TBC1D5: variants seen among roughly 807,000 people sequenced by gnomAD.
TBC1D5 encodes the protein TBC1 domain family member 5, also known as TBC1 domain family, member 5.
In TBC1D5, 75 loss-of-function variants were observed where a neutral mutation model predicts 100.3. The observed-to-expected ratio is 0.75, with a 90% CI of 0.62 to 0.91. The LOEUF (loss-of-function observed/expected upper bound fraction) is 0.91. Among genes scored for constraint, TBC1D5 ranks in the 40% least tolerant of loss-of-function variants. The pLI, the probability that TBC1D5 is intolerant of heterozygous loss-of-function variation, is 0.00. For synonymous variants in TBC1D5, 323 were observed against 325.6 expected (o/e 0.99, Z 0.09); for missense variants, 910 against 942.4 (o/e 0.97, Z 0.45).
At chr3:17,487,491 A>G (rs1456222963) in intron 3 of TBC1D5, among the ~76,000 whole-genome samples, 6 of 152,214 alleles carry the variant, frequency 3.9e-5, no homozygotes, top group Non-Finnish European at 8.8e-5. Context: ...TAGATGTTAG[A>G]AGGTCATGGG....
chr3:17,516,350 G>C (rs894165284), intron 2 of TBC1D5, among the ~76,000 whole-genome samples: 4 of 151,724 alleles, frequency 2.6e-5, no homozygotes, highest in Non-Finnish European at 4.4e-5. Context: ...ATAATCTGTG[G>C]CCAAAAGATT....
chr3:17,407,671 C>T (rs2093809335), intron 4 of TBC1D5, among the ~76,000 whole-genome samples: 1 of 152,076 alleles, frequency 6.6e-6, no homozygotes, highest in African/African-American at 2.4e-5. Context: ...GCATCTTCTC[C>T]AGAAAAGAAG....
intron 2 of TBC1D5, among the ~76,000 whole-genome samples, chr3:17,554,969 C>T (rs1374607575): frequency 6.6e-6 from 1 of 152,056 alleles, no homozygotes; most frequent in African/African-American, 2.4e-5. Context: ...CCTGCCTCAG[C>T]CTCCCAAGTA....
chr3:17,673,561 T>C (rs1317433119), intron 1 of TBC1D5, among the ~76,000 whole-genome samples: 3 of 151,884 alleles, frequency 2.0e-5, no homozygotes, highest in African/African-American at 4.8e-5. Flanking sequence ...GCAATCTGCC[T>C]GCCTCAGCCT....
At chr3:17,498,831 A>C (rs1447910076) in intron 3 of TBC1D5, among the ~76,000 whole-genome samples, 1 of 152,200 alleles carries the variant, frequency 6.6e-6, no homozygotes, top group African/African-American at 2.4e-5. Context: ...TTTTAAAAAA[A>C]CTCAAGTACA....
chr3:17,546,631 T>C lies in TBC1D5; in HGVS notation c.-35-38026A>G, dbSNP rs570219812. Among the ~76,000 whole-genome samples the C allele has an allele frequency of 4.0e-5, 6 of 150,802 alleles. No homozygotes were observed. The South Asian group carries it at 6.3e-4, about 16-fold the overall frequency. On this transcript the variant is annotated intron_variant, in intron 2 of 21. Transcript: ENST00000253692. The stretch of plus-strand genomic sequence containing the variant: ...TACAAAAAAAAAAAATAACCGGGCA[T>C]GGCGGCATGAACCTGTACTCCCAGC...
chr3:17,727,567 C>T (rs557854851), intron 1 of TBC1D5, among the ~76,000 whole-genome samples: 6 of 152,236 alleles, frequency 3.9e-5, no homozygotes, highest in Non-Finnish European at 7.4e-5. Context: ...AATTGTTAAT[C>T]GTCCACAAAT....
intron 1 of TBC1D5, among the ~76,000 whole-genome samples, chr3:17,649,495 C>A (rs1262761957): frequency 6.6e-6 from 1 of 151,986 alleles, no homozygotes; most frequent in Non-Finnish European, 1.5e-5. Context: ...AAAAATAATG[C>A]ACTCAAAATT....
chr3:17,649,266 A>G (rs116428246), intron 1 of TBC1D5, among the ~76,000 whole-genome samples: 1,695 of 152,202 alleles, frequency 0.011, 25 homozygotes, highest in African/African-American at 0.038. Flanking sequence ...AAGTGGGGCT[A>G]AATGATAACT....
At chr3:17,467,774 G>C (rs1334561194) in intron 3 of TBC1D5, among the ~76,000 whole-genome samples, 1 of 151,990 alleles carries the variant, frequency 6.6e-6, no homozygotes, top group Non-Finnish European at 1.5e-5. Flanking sequence ...GCATACATTT[G>C]TAATCCTAGC....
intron 14 of TBC1D5, among the ~76,000 whole-genome samples, chr3:17,306,718 A>G (rs1215773487): frequency 6.6e-6 from 1 of 152,176 alleles, no homozygotes; most frequent in African/African-American, 2.4e-5. Flanking sequence ...TTGATTTGGA[A>G]AATTTTGCAT....
At chr3:17,688,769 T>C (rs1481125481) in intron 1 of TBC1D5, among the ~76,000 whole-genome samples, 1 of 152,238 alleles carries the variant, frequency 6.6e-6, no homozygotes, top group Non-Finnish European at 1.5e-5. Context: ...ACTTTGCTCA[T>C]CTCATTCTGT....
rs1172298805 is a variant in TBC1D5, at chr3:17,504,449, AAAC to A, written c.97+4022_97+4024del. ...TTAAAGTATAATAATAATAAATTAAAAACAAAATAAAAATTAAAAAAAAGGATT... is the reference window on the plus strand; with the variant it reads ...TTAAAGTATAATAATAATAAATTAAAAAAATAAAAATTAAAAAAAAGGATT... On this transcript the variant is annotated intron_variant, in intron 3 of 21. Coordinates refer to ENST00000253692, the Ensembl canonical transcript of TBC1D5. 5.3e-5 allele frequency among the ~76,000 whole-genome samples: 8 copies of A among 152,238 alleles called. No individual in the cohort carries two copies. In the East Asian group the frequency reaches 1.5e-3, roughly 29 times the overall value.
intron 3 of TBC1D5, among the ~76,000 whole-genome samples, chr3:17,496,635 C>T (rs995000032): frequency 3.9e-5 from 6 of 152,018 alleles, no homozygotes; most frequent in African/African-American, 1.5e-4. Flanking sequence ...ATTACTTCAC[C>T]ATTAAATTGT....
intron 13 of TBC1D5, among the ~76,000 whole-genome samples, chr3:17,339,498 C>T (rs1444821066): frequency 6.6e-6 from 1 of 152,184 alleles, no homozygotes; most frequent in Non-Finnish European, 1.5e-5. Context: ...TCTGAAAAAC[C>T]ACTCAGTGAC....
chr3:17,484,490 T>TG (rs2095536962), intron 3 of TBC1D5, among the ~76,000 whole-genome samples: 2 of 99,400 alleles, frequency 2.0e-5, no homozygotes, highest in African/African-American at 4.9e-5. Flanking sequence ...GTGTGTGTGT[T>TG]TGGGTAACAA....
intron 2 of TBC1D5, among the ~76,000 whole-genome samples, chr3:17,590,144 C>G (rs892575282): frequency 6.6e-6 from 1 of 152,060 alleles, no homozygotes; most frequent in South Asian, 2.1e-4. Flanking sequence ...AGAGTGTGAC[C>G]CATGAGGAAG....
chr3:17,190,637 G>A (rs1418178993), intron 18 of TBC1D5, among the ~76,000 whole-genome samples: 2 of 152,078 alleles, frequency 1.3e-5, no homozygotes, highest in African/African-American at 4.8e-5. Context: ...GCAGACTACT[G>A]TGGCCACTGC....
intron 19 of TBC1D5, among the ~76,000 whole-genome samples, chr3:17,169,327 T>A (rs546055490): frequency 3.9e-5 from 6 of 152,280 alleles, no homozygotes; most frequent in African/African-American, 1.4e-4. Context: ...TAAATGAACA[T>A]GAAAAAACAC....
Sources: allele counts gnomAD v4.1 joint callset (sites outside exome capture counted in the v4.1 genomes callset), GRCh38; gene constraint gnomAD v4.1.1; transcripts MANE v1.5; gene names NCBI Gene and HGNC (gene_info 2026-07-23, HGNC 2026-07-21).